The following CSRNP2 variants were observed in gnomAD, a reference collection of about 807,000 sequenced individuals.
CSRNP2 encodes cysteine/serine-rich nuclear protein 2.
Under a neutral mutation model 36.6 loss-of-function variants are expected in CSRNP2, and 11 were observed. The ratio of observed to expected loss-of-function variants is 0.30; its 90% CI spans 0.19 to 0.50. The LOEUF (loss-of-function observed/expected upper bound fraction) is 0.50, where lower values mean the gene tolerates loss of function less well. CSRNP2 is among the 20% of genes least tolerant of loss of function. The pLI, the probability that CSRNP2 is intolerant of heterozygous loss-of-function variation, is 0.98. For synonymous variants in CSRNP2, 248 were observed against 275.3 expected (o/e 0.90, Z 0.98); for missense variants, 483 against 691.4 (o/e 0.70, Z 3.38).
At chr12:51,080,621 G>T (rs1939601340) in intron 1 of CSRNP2, among the ~76,000 whole-genome samples, 1 of 152,198 alleles carries the variant, frequency 6.6e-6, no homozygotes, top group Non-Finnish European at 1.5e-5. Context: ...CATGTATACT[G>T]ACTTATGGTC....
At chr12:51,078,219 C>A (rs1372370336) in intron 1 of CSRNP2, among the ~76,000 whole-genome samples, 1 of 152,174 alleles carries the variant, frequency 6.6e-6, no homozygotes, top group South Asian at 2.1e-4. Context: ...AAGCAATTTG[C>A]CTGCTCTTGG....
rs888677546 is a variant in CSRNP2, at chr12:51,071,424, T to G, written c.411+2399A>C. Among the ~76,000 whole-genome samples the G allele has an allele frequency of 2.6e-4, 39 of 150,268 alleles. 1 individual carries two copies. The highest frequency in any genetic ancestry group is 4.1e-4 in the Non-Finnish European group (28 of 67,636). ...CCTGTTTCAAGAGAAAAAAAAAATC[T>G]AAGCAAAGAATAAACTAGGTAAGGT... On this transcript the variant is annotated intron_variant, in intron 3 of 4. Transcript: ENST00000228515.
chr12:51,069,164 A>G (rs1938763692), intron 3 of CSRNP2, among the ~76,000 whole-genome samples: 2 of 151,770 alleles, frequency 1.3e-5, no homozygotes, highest in Admixed American at 6.6e-5. Flanking sequence ...TTTAGTAGAC[A>G]TGGGGTTTCA....
At chr12:51,066,225 C>CA (rs1938266252) in intron 4 of CSRNP2, among the ~76,000 whole-genome samples, 1 of 152,260 alleles carries the variant, frequency 6.6e-6, no homozygotes, top group South Asian at 2.1e-4. Flanking sequence ...GAGGCTGAGG[C>CA]AGGCGGATCA....
intron 1 of CSRNP2, 185 bp from the exon 2 acceptor site, chr12:51,076,832 T>C (rs1939423284): frequency 7.6e-6 from 3 of 393,652 alleles, no homozygotes; most frequent in Non-Finnish European, 1.4e-5. Context: ...GCCCCTCTAT[T>C]CTCAATCACT....
At chr12:51,075,130 T>C (rs1939342556) in intron 2 of CSRNP2, among the ~76,000 whole-genome samples, 1 of 152,132 alleles carries the variant, frequency 6.6e-6, no homozygotes, top group Admixed American at 6.5e-5. Flanking sequence ...TTTTTTCCTT[T>C]GAGACAGGCT....
chr12:51,070,443 C>G (rs948293169), intron 3 of CSRNP2, among the ~76,000 whole-genome samples: 5 of 152,060 alleles, frequency 3.3e-5, no homozygotes, highest in Non-Finnish European at 5.9e-5. Context: ...TTGACCTCCC[C>G]CTAAGCATAC....
At chr12:51,068,892 T>C (rs1938699651) in intron 3 of CSRNP2, among the ~76,000 whole-genome samples, 1 of 152,258 alleles carries the variant, frequency 6.6e-6, no homozygotes, top group Admixed American at 6.5e-5. Flanking sequence ...AAGAGCTTCA[T>C]TCTACTGTAA....
intron 1 of CSRNP2, 22 bp from the exon 2 acceptor site, chr12:51,076,669 T>A: frequency 7.8e-7 from 1 of 1,282,774 alleles, no homozygotes; most frequent in Non-Finnish European, 1.1e-6. Context: ...AAAAAAGGAA[T>A]CAGCATTCCT....
intron 4 of CSRNP2, among the ~76,000 whole-genome samples, chr12:51,065,612 C>T (rs1031883737): frequency 1.3e-5 from 2 of 151,932 alleles, no homozygotes; most frequent in African/African-American, 4.8e-5. Flanking sequence ...TGTGAGCCAC[C>T]GCGCCCGGCC....
At chr12:51,077,455 G>C (rs903406319) in intron 1 of CSRNP2, among the ~76,000 whole-genome samples, 1 of 152,160 alleles carries the variant, frequency 6.6e-6, no homozygotes, top group Non-Finnish European at 1.5e-5. Flanking sequence ...CTACAAACGT[G>C]ATTAAGGAAC....
At chr12:51,082,426 C>T (rs941333303) in intron 1 of CSRNP2, 7 of 152,132 alleles carry the variant, frequency 4.6e-5, no homozygotes, top group African/African-American at 1.4e-4. Context: ...CAAGGATATC[C>T]AGTCATTTAT....
At chr12:51,064,953 AC>A (rs946932086) in intron 4 of CSRNP2, among the ~76,000 whole-genome samples, 2 of 152,228 alleles carry the variant, frequency 1.3e-5, no homozygotes, top group African/African-American at 4.8e-5. Context: ...TAACAAGTAG[AC>A]AAAATCACAG....
chr12:51,064,512 G>T lies in CSRNP2; in HGVS notation c.866C>A (p.Ala289Asp). 1 of 1,612,872 alleles carries T rather than the reference G, an allele frequency of 6.2e-7. No individual in the cohort carries two copies. Among genetic ancestry groups the T allele is most frequent in the Non-Finnish European group, 8.5e-7 (1 of 1,179,308 alleles). Residue 289 changes from alanine to aspartate, a missense_variant, in exon 5 of 5, where the codon GCC (alanine) becomes GAC (aspartate). This residue lies in a region of CSRNP2 where 277 missense variants were observed against 323.6 expected (regional missense o/e 0.86). Transcript: ENST00000228515. ...AGTCGGGGAGGGCTCCTCATCTGGGGCTGCTGGGCGGCTCACCTGCCGCTT... is the reference window on the plus strand; with the variant it reads ...AGTCGGGGAGGGCTCCTCATCTGGGTCTGCTGGGCGGCTCACCTGCCGCTT... ...ESKRQVSRPA[A>D]PDEEPSPTAS...
chr12:51,070,291 T>G (rs1320178862), intron 3 of CSRNP2, among the ~76,000 whole-genome samples: 3 of 152,178 alleles, frequency 2.0e-5, no homozygotes, highest in Non-Finnish European at 2.9e-5. Context: ...TTTTCTTGTT[T>G]GTGGGGGAGG....
chr12:51,067,536 G>A lies in CSRNP2; in HGVS notation c.708+137C>T. 1 of 767,166 alleles carries A rather than the reference G, an allele frequency of 1.3e-6. No individual in the cohort carries two copies. Among genetic ancestry groups the A allele is most frequent in the Non-Finnish European group, 2.1e-6 (1 of 474,308 alleles). The allele number at this position is 767,166 out of a possible 1,614,324, so 47.5% of individuals were successfully genotyped here. A position where few individuals can be genotyped will look rare whatever the true frequency, so the allele number is the denominator to read the frequency against. On this transcript the variant is annotated intron_variant, in intron 4 of 4. Transcript: ENST00000228515. The surrounding 1 kb of genome is among the most constrained non-coding windows in gnomAD (Gnocchi z 4.1). ...GCTGTTTGCTTACTCTGTTGACGGA[G>A]GAGGGTTGTGGAACTGGAGAGTGTT...
intron 1 of CSRNP2, chr12:51,081,330 T>A (rs1387828365): frequency 1.3e-5 from 2 of 152,076 alleles, no homozygotes; most frequent in Non-Finnish European, 2.9e-5. Context: ...TTTAAAAAAA[T>A]AAATCTTTCT....
Position 51,064,098 on chromosome 12 carries a change from A to G in CSRNP2, c.1280T>C (p.Val427Ala), listed in dbSNP as rs1937854114. ...LVYYQVEQRP[V>A]LGVKGEPGTE... ...ACCAGGCTCTCCTTTCACTCCCAAG[A>G]CTGGCCTCTGCTCCACTTGATAATA... Residue 427 changes from valine (V) to alanine (A), a missense_variant, in exon 5 of 5, where the codon GTC (valine) becomes GCC (alanine). Physicochemically the swap from Val to Ala is moderately conservative, Grantham distance 64 (BLOSUM62 0). Around this residue, in one of 2 missense-constraint regions of CSRNP2, gnomAD observed 277 missense variants for 323.6 expected, o/e 0.86. Coordinates refer to ENST00000228515, the MANE Select transcript of CSRNP2 (RefSeq NM_030809.3). The G allele has an allele frequency of 1.9e-6, 3 of 1,614,168 alleles. No homozygotes were observed. The highest frequency in any genetic ancestry group is 1.3e-5 in the African/African-American group (1 of 75,048).
rs1275544382 is a variant in CSRNP2, at chr12:51,061,997, TA to T, written c.*1748del. The T allele has an allele frequency of 1.3e-5, 2 of 152,198 alleles. No individual in the cohort carries two copies. Among genetic ancestry groups the T allele is most frequent in the Admixed American group, 6.5e-5 (1 of 15,274 alleles). The allele number at this position is 152,198 out of a possible 1,614,324, so 9.4% of individuals were successfully genotyped here. ...GACTCTCAACTGTGTTTTGTGAGGC[TA>T]GGGGATGGGGAGAGATAAGGATCTG... On this transcript the variant is annotated 3_prime_UTR_variant, in exon 5 of 5. Transcript: ENST00000228515.
Sources: allele counts gnomAD v4.1 joint callset (sites outside exome capture counted in the v4.1 genomes callset), GRCh38; gene constraint gnomAD v4.1.1; regional missense constraint gnomAD v4.1.1; non-coding constraint Gnocchi (gnomAD v3.1); transcripts MANE v1.5; gene names NCBI Gene and HGNC (gene_info 2026-07-23, HGNC 2026-07-21).